Variants in PCLO observed in about 807,000 individuals in gnomAD.
The protein encoded by PCLO is protein piccolo.
Under a neutral mutation model 427.5 loss-of-function variants are expected in PCLO, and 82 were observed. That is an observed-to-expected ratio of 0.19 (90% CI 0.16 to 0.23). The LOEUF is 0.23. Among genes scored for constraint, PCLO ranks in the 10% least tolerant of loss-of-function variants. PCLO has a pLI of 1.00. For synonymous variants in PCLO, 2,357 were observed against 2,155.4 expected, an observed-to-expected ratio of 1.09 and a Z score of -2.59; for missense variants, 6,239 against 6,115.9, an observed-to-expected ratio of 1.02 and a Z score of -0.67.
Position 82,892,077 on chromosome 7 carries a change from TTTAAAGTTCATATGGA to T in PCLO, c.13528+10558_13528+10573del, listed in dbSNP as rs1217063168. Among the ~76,000 whole-genome samples, 4 of 152,128 alleles carry T rather than the reference TTTAAAGTTCATATGGA, an allele frequency of 2.6e-5. No homozygotes were observed. The East Asian group carries it at 7.7e-4, about 29-fold the overall frequency. On this transcript the variant is annotated intron_variant, in intron 9 of 24. Coordinates refer to ENST00000333891, the MANE Select transcript of PCLO (RefSeq NM_033026.6). The stretch of plus-strand genomic sequence containing the variant: ...TCTTCACATAATCGGAAAAAACTAC[TTTAAAGTTCATATGGA>T]ACCAAAAAAGAGCCCGCATAGCCAA...
At position 82,950,333 on chromosome 7, in the gene PCLO, C is replaced by A. The variant is rs758856830; in HGVS notation, c.10255G>T (p.Val3419Phe). ...QPKKRSSGAK[V>F]RGQYDDMGEN... Reference sequence around the variant, plus strand: ...CCCATGTCATCATACTGTCCTCGGACTTTAGCTCCAGAACTTCTCTTTTTG... The same window carrying A: ...CCCATGTCATCATACTGTCCTCGGAATTTAGCTCCAGAACTTCTCTTTTTG... Residue 3419 changes from valine to phenylalanine, a missense_variant, in exon 6 of 25, where the codon GTC becomes TTC. By Grantham distance (50) the Val-to-Phe change is conservative. Coordinates refer to ENST00000333891, the MANE Select transcript of PCLO (RefSeq NM_033026.6). The A allele has an allele frequency of 5.6e-6, 9 of 1,613,612 alleles. No individual in the cohort carries two copies. In the Admixed American group the frequency reaches 1.3e-4, roughly 24 times the overall value.
intron 3 of PCLO, among the ~76,000 whole-genome samples, chr7:83,113,430 G>C (rs1317551133): frequency 6.6e-6 from 1 of 152,114 alleles, no homozygotes; most frequent in Non-Finnish European, 1.5e-5. Flanking sequence ...TTTATAATGA[G>C]AATTTATTTG....
intron 2 of PCLO, among the ~76,000 whole-genome samples, chr7:83,153,163 T>C (rs1792179484): frequency 6.7e-6 from 1 of 150,260 alleles, no homozygotes; most frequent in Non-Finnish European, 1.5e-5. Flanking sequence ...AAGCTACATA[T>C]ATATATGTAT....
chr7:82,891,086 G>C (rs1390919517), intron 9 of PCLO, among the ~76,000 whole-genome samples: 1 of 151,906 alleles, frequency 6.6e-6, no homozygotes, highest in African/African-American at 2.4e-5. Context: ...ATTTGACAGA[G>C]GGCTTATTGC....
chr7:82,935,131 C>G (rs1175874517), intron 6 of PCLO, among the ~76,000 whole-genome samples: 1 of 138,178 alleles, frequency 7.2e-6, no homozygotes, highest in African/African-American at 2.7e-5. Context: ...AATAGTGACT[C>G]ATTAGAAAAA....
At chr7:83,014,881 T>G (rs1019767940) in intron 3 of PCLO, among the ~76,000 whole-genome samples, 1 of 152,182 alleles carries the variant, frequency 6.6e-6, no homozygotes, top group African/African-American at 2.4e-5. Flanking sequence ...GAATATGTAC[T>G]CCCTTTTTTT....
chr7:82,997,005 T>C (rs1787634080), intron 3 of PCLO, among the ~76,000 whole-genome samples: 1 of 152,044 alleles, frequency 6.6e-6, no homozygotes, highest in Non-Finnish European at 1.5e-5. Flanking sequence ...TTGCCATTTA[T>C]GTCCAAGGTA....
chr7:82,813,953 CCA>C (rs1402541401), intron 20 of PCLO, among the ~76,000 whole-genome samples: 1 of 151,636 alleles, frequency 6.6e-6, no homozygotes, highest in Non-Finnish European at 1.5e-5. Flanking sequence ...CAATTAATTT[CCA>C]CTATATGGGA....
chr7:82,847,331 T>A (rs1792530457), intron 10 of PCLO, 84 bp from the exon 11 acceptor site: 1 of 732,650 alleles, frequency 1.4e-6, no homozygotes, highest in African/African-American at 1.8e-5. Flanking sequence ...TTTATTTGCA[T>A]TTAGAAGTCA....
At chr7:82,842,253 T>C (rs1358599382) in intron 13 of PCLO, among the ~76,000 whole-genome samples, 1 of 152,080 alleles carries the variant, frequency 6.6e-6, no homozygotes, top group East Asian at 1.9e-4. Flanking sequence ...TACAGTCAAT[T>C]GACTTTCAGC....
At chr7:83,145,123 C>T (rs1791961104) in intron 2 of PCLO, among the ~76,000 whole-genome samples, 1 of 152,164 alleles carries the variant, frequency 6.6e-6, no homozygotes, top group Admixed American at 6.5e-5. Context: ...GCATTTGGCT[C>T]TCTTTTTAGA....
chr7:83,156,722 CTAAA>C (rs1418596570), intron 1 of PCLO, among the ~76,000 whole-genome samples: 1 of 151,714 alleles, frequency 6.6e-6, no homozygotes, highest in Admixed American at 6.6e-5. Context: ...TAAAACTTAA[CTAAA>C]TATAGGTTTA....
chr7:83,093,492 A>ATT lies in PCLO; in HGVS notation c.3300+40756_3300+40757dup, dbSNP rs1169852004. Among the ~76,000 whole-genome samples, 62 of 59,298 alleles carry ATT rather than the reference A, an allele frequency of 1.0e-3. 4 individuals carry two copies. The highest frequency in any genetic ancestry group is 1.8e-3 in the South Asian group (3 of 1,652). 38.9% of individuals were successfully genotyped at this position (59,298 alleles called of 152,430 possible). A position where few individuals can be genotyped will look rare whatever the true frequency, so the allele number is the denominator to read the frequency against. ...TGTGTGTATAGATATATATATATATATTTTTTTTTTTTTTTTTTGAGATGG... is the reference window on the plus strand; with the variant it reads ...TGTGTGTATAGATATATATATATATATTTTTTTTTTTTTTTTTTTTGAGATGG... On this transcript the variant is annotated intron_variant, in intron 3 of 24. Coordinates refer to ENST00000333891, the MANE Select transcript of PCLO (RefSeq NM_033026.6).
At chr7:83,126,125 G>C (rs1791432943) in intron 3 of PCLO, among the ~76,000 whole-genome samples, 2 of 152,126 alleles carry the variant, frequency 1.3e-5, no homozygotes, top group Non-Finnish European at 2.9e-5. Flanking sequence ...GCCAGTCACG[G>C]AAAGACAAAT....
intron 22 of PCLO, among the ~76,000 whole-genome samples, chr7:82,795,554 G>T (rs896616576): frequency 1.3e-5 from 2 of 152,052 alleles, no homozygotes; most frequent in Admixed American, 6.6e-5. Flanking sequence ...AAAAATGTTG[G>T]TAAGTACAAT....
chr7:83,129,646 G>A (rs1326234979), intron 3 of PCLO, among the ~76,000 whole-genome samples: 1 of 152,024 alleles, frequency 6.6e-6, no homozygotes, highest in African/African-American at 2.4e-5. Flanking sequence ...TAACATTTTT[G>A]TCCAGAAAAT....
chr7:82,779,445 G>C (rs553902558), intron 22 of PCLO, among the ~76,000 whole-genome samples: 1 of 152,142 alleles, frequency 6.6e-6, no homozygotes, highest in East Asian at 1.9e-4. Context: ...GATTAACTTT[G>C]TCTTTTATTT....
intron 22 of PCLO, among the ~76,000 whole-genome samples, chr7:82,776,837 C>T (rs1790762945): frequency 6.7e-6 from 1 of 149,752 alleles, no homozygotes; most frequent in South Asian, 2.1e-4. Flanking sequence ...TCTATATATA[C>T]ACACACACAT....
chr7:83,071,577 C>T (rs1789816579), intron 3 of PCLO, among the ~76,000 whole-genome samples: 1 of 152,144 alleles, frequency 6.6e-6, no homozygotes, highest in African/African-American at 2.4e-5. Context: ...CCCTCTCTTT[C>T]TCTGTCATTC....
Sources: gnomAD v4.1 joint callset for allele counts (sites outside exome capture counted in the v4.1 genomes callset) on GRCh38, gnomAD v4.1.1 for gene constraint, MANE v1.5 for transcripts, NCBI Gene and HGNC (gene_info 2026-07-23, HGNC 2026-07-21) for gene names.